LIN9: variants seen among roughly 807,000 people sequenced by gnomAD.
LIN9 encodes the protein lin-9 DREAM MuvB core complex component.
In LIN9, 18 loss-of-function variants were observed where a neutral mutation model predicts 78.0. That is an observed-to-expected ratio of 0.23 (90% confidence interval 0.16 to 0.34). The LOEUF (loss-of-function observed/expected upper bound fraction) is 0.34, where lower values mean the gene tolerates loss of function less well. Ranked by LOEUF, LIN9 falls within the 10% of genes least tolerant of loss-of-function variation. The pLI, the probability that LIN9 is intolerant of heterozygous loss-of-function variation, is 1.00. For synonymous variants in LIN9, 192 were observed against 215.2 expected (o/e 0.89, Z 0.94); for missense variants, 451 against 644.1 (o/e 0.70, Z 3.25).
chr1:226,299,999 C>T (rs1662421048), intron 2 of LIN9, among the ~76,000 whole-genome samples: 1 of 150,274 alleles, frequency 6.7e-6, no homozygotes, highest in Non-Finnish European at 1.5e-5. Flanking sequence ...AGTGTGGTGG[C>T]GCGATCTTGG....
intron 4 of LIN9, among the ~76,000 whole-genome samples, chr1:226,295,425 G>A (rs1241634304): frequency 2.6e-5 from 4 of 151,874 alleles, no homozygotes; most frequent in South Asian, 2.1e-4. Flanking sequence ...CTCCAGCCTG[G>A]GCGACAGAGT....
At chr1:226,261,564 T>C (rs953353696) in intron 10 of LIN9, among the ~76,000 whole-genome samples, 5 of 152,174 alleles carry the variant, frequency 3.3e-5, no homozygotes, top group African/African-American at 9.7e-5. Flanking sequence ...TACTTAAGTA[T>C]AAATCCAACA....
At chr1:226,271,620 C>T (rs1223493817) in intron 7 of LIN9, among the ~76,000 whole-genome samples, 1 of 152,018 alleles carries the variant, frequency 6.6e-6, no homozygotes, top group Admixed American at 6.5e-5. Context: ...TTGTTGAGAT[C>T]CTCTATATGT....
intron 1 of LIN9, among the ~76,000 whole-genome samples, chr1:226,306,129 A>T (rs1226598651): frequency 1.3e-5 from 2 of 151,956 alleles, no homozygotes; most frequent in East Asian, 1.9e-4. Flanking sequence ...GTTTGAGACC[A>T]GCCTAGCCAA....
chr1:226,301,265 C>A, intron 1 of LIN9, 60 bp from the exon 2 acceptor site: 1 of 1,361,796 alleles, frequency 7.3e-7, no homozygotes, highest in Non-Finnish European at 1.0e-6. Context: ...GAGAAAAAGA[C>A]CTTGGTTTGG....
chr1:226,243,899 G>C (rs111988668), intron 11 of LIN9, among the ~76,000 whole-genome samples: 14,618 of 150,542 alleles, frequency 0.097, 858 homozygotes, highest in South Asian at 0.15. Context: ...TTTTGAGATG[G>C]AGTCTTGCTC....
rs185878254 is a variant in LIN9 at position 226,233,931 on chromosome 1, A to G, written c.1246-408T>C. 2.1e-3 allele frequency among the ~76,000 whole-genome samples: 322 copies of G among 152,300 alleles called. 1 individual carries two copies. The highest frequency in any genetic ancestry group is 7.1e-3 in the African/African-American group (296 of 41,552). On this transcript the variant is annotated intron_variant, in intron 12 of 14. Transcript: ENST00000681046. ...GTTTGTATTTCCTTGGTATTTTTGA[A>G]GAGTACGAGCCAATTATTTTGTGTA...
chr1:226,257,964 C>T (rs753155019), intron 10 of LIN9, among the ~76,000 whole-genome samples: 10 of 151,794 alleles, frequency 6.6e-5, no homozygotes, highest in African/African-American at 2.2e-4. Context: ...TGGGTCCCAT[C>T]GCTTGAGCCA....
At chr1:226,267,642 T>C (rs1660018439) in intron 8 of LIN9, among the ~76,000 whole-genome samples, 1 of 152,192 alleles carries the variant, frequency 6.6e-6, no homozygotes, top group South Asian at 2.1e-4. Flanking sequence ...AAGAGGACTA[T>C]ACTTTAACCT....
intron 11 of LIN9, 99 bp from the exon 12 acceptor site, chr1:226,239,195 T>C (rs1031959359): frequency 1.7e-6 from 2 of 1,173,266 alleles, no homozygotes; most frequent in Non-Finnish European, 1.2e-6. Flanking sequence ...AAAAGCAAAC[T>C]AAAGGTTATT....
At chr1:226,239,236 G>A (rs1576275198) in intron 11 of LIN9, 140 bp from the exon 12 acceptor site, 4 of 789,908 alleles carry the variant, frequency 5.1e-6, no homozygotes, top group East Asian at 2.7e-5. Context: ...TTATAGTCTT[G>A]TCTGTGATAA....
At chr1:226,258,717 C>T (rs1442555580) in intron 10 of LIN9, among the ~76,000 whole-genome samples, 2 of 150,640 alleles carry the variant, frequency 1.3e-5, no homozygotes, top group Non-Finnish European at 3.0e-5. Context: ...GGTGAAACCC[C>T]GTCTCTACTA....
At chr1:226,269,639 G>C (rs1388238227) in intron 7 of LIN9, among the ~76,000 whole-genome samples, 4 of 152,086 alleles carry the variant, frequency 2.6e-5, no homozygotes, top group African/African-American at 9.7e-5. Context: ...CCAGAATTTT[G>C]ACTGGTCATG....
chr1:226,306,161 C>T (rs1221609290), intron 1 of LIN9, among the ~76,000 whole-genome samples: 7 of 151,870 alleles, frequency 4.6e-5, no homozygotes, highest in African/African-American at 7.3e-5. Context: ...CCCGCCTCTA[C>T]TAAAAATACA....
At chr1:226,262,905 A>G (rs1033335376) in intron 10 of LIN9, among the ~76,000 whole-genome samples, 1 of 152,216 alleles carries the variant, frequency 6.6e-6, no homozygotes. Context: ...CAGTTTGTCA[A>G]TGAGTAAATA....
chr1:226,267,420 C>T (rs1190173517), intron 8 of LIN9, among the ~76,000 whole-genome samples: 1 of 65,894 alleles, frequency 1.5e-5, no homozygotes, highest in Non-Finnish European at 3.1e-5. Context: ...AAGACTCCGT[C>T]TCAAAAAAAA....
At chr1:226,238,833 G>A in intron 12 of LIN9, 138 bp downstream of exon 12, 1 of 741,876 alleles carries the variant, frequency 1.3e-6, no homozygotes, top group South Asian at 2.3e-5. Flanking sequence ...GCTGGGAGGA[G>A]TAAGAAACTT....
chr1:226,306,830 GTAA>G (rs1428701000), intron 1 of LIN9, among the ~76,000 whole-genome samples: 3 of 152,066 alleles, frequency 2.0e-5, no homozygotes, highest in Admixed American at 6.6e-5. Context: ...TCTAGTTTCA[GTAA>G]TAATACCTGT....
intron 11 of LIN9, among the ~76,000 whole-genome samples, chr1:226,247,674 CTT>C (rs35184021): frequency 1.0e-4 from 14 of 138,844 alleles, no homozygotes; most frequent in Non-Finnish European, 1.1e-4. Flanking sequence ...TGTTTTCTTT[CTT>C]TTTTTTTTTT....
Sources: gnomAD v4.1 joint callset for allele counts (sites outside exome capture counted in the v4.1 genomes callset) on GRCh38, gnomAD v4.1.1 for gene constraint, MANE v1.5 for transcripts, NCBI Gene and HGNC (gene_info 2026-07-23, HGNC 2026-07-21) for gene names.